ADCYAP1R1: variants seen among roughly 807,000 people sequenced by gnomAD.
ADCYAP1R1 encodes pituitary adenylate cyclase-activating polypeptide type I receptor.
A neutral mutation model predicts 67.6 loss-of-function variants in ADCYAP1R1; 44 were observed. That is an observed-to-expected ratio of 0.65 (90% confidence interval 0.51 to 0.84). ADCYAP1R1 has a LOEUF of 0.84. Ranked by LOEUF, ADCYAP1R1 falls within the 40% of genes least tolerant of loss-of-function variation. ADCYAP1R1 has a pLI of 0.00. For missense variants in ADCYAP1R1, 477 were observed against 587.9 expected (o/e 0.81, Z 1.95); for synonymous variants, 222 against 219.6 (o/e 1.01, Z -0.10).
In ADCYAP1R1 at chr7:31,078,107, A is replaced by G. The variant is rs1475679835; in HGVS notation, c.265+9A>G. The G allele has an allele frequency of 1.2e-6, 2 of 1,603,540 alleles. No homozygotes were observed. On this transcript the variant is annotated intron_variant, in intron 4 of 15. Coordinates refer to ENST00000304166, the MANE Select transcript of ADCYAP1R1 (RefSeq NM_001118.5). Reference sequence around the variant, plus strand: ...CTTCAACCCAGACCAAGGTGGGTTTAGCCCAGTCTCTTTAGGCCACGCTGG... The same window carrying G: ...CTTCAACCCAGACCAAGGTGGGTTTGGCCCAGTCTCTTTAGGCCACGCTGG...
At chr7:31,073,787 A>G (rs908468709) in intron 3 of ADCYAP1R1, among the ~76,000 whole-genome samples, 1 of 152,168 alleles carries the variant, frequency 6.6e-6, no homozygotes, top group East Asian at 1.9e-4. Flanking sequence ...AATGCAGGCT[A>G]GAGGGCTGGA....
intron 1 of ADCYAP1R1, among the ~76,000 whole-genome samples, chr7:31,061,090 C>G (rs3779247): frequency 0.29 from 43,638 of 152,144 alleles, 6,642 homozygotes; most frequent in Middle Eastern, 0.34. Context: ...CAGTCCTAAC[C>G]GGGGTAGTGC....
chr7:31,055,246 G>A (rs1034927184), intron 1 of ADCYAP1R1, among the ~76,000 whole-genome samples: 2 of 152,100 alleles, frequency 1.3e-5, no homozygotes, highest in Admixed American at 6.6e-5. Context: ...GGGCACACCC[G>A]GGGACTCAGA....
At chr7:31,089,021 A>G (rs1223578491) in intron 12 of ADCYAP1R1, among the ~76,000 whole-genome samples, 1 of 152,138 alleles carries the variant, frequency 6.6e-6, no homozygotes, top group Non-Finnish European at 1.5e-5. Flanking sequence ...AGTCTTTCTT[A>G]TAGAGTCATT....
chr7:31,108,293 A>C lies in ADCYAP1R1; in HGVS notation c.*1609A>C, dbSNP rs1796723446. On this transcript the variant is annotated 3_prime_UTR_variant, in exon 16 of 16. Transcript: ENST00000304166. Reference sequence around the variant, plus strand: ...GGAGCTCTGTGTCCTTGGCCAGTCAAGTAAGTTCCTGGATCTTTGGCAAAG... The same window carrying C: ...GGAGCTCTGTGTCCTTGGCCAGTCACGTAAGTTCCTGGATCTTTGGCAAAG... 1 of 152,268 alleles carries C rather than the reference A, an allele frequency of 6.6e-6. No individual in the cohort carries two copies. 9.4% of individuals were successfully genotyped at this position (152,268 alleles called of 1,614,324 possible).
intron 9 of ADCYAP1R1, 62 bp downstream of exon 9, chr7:31,085,504 T>C: frequency 2.6e-6 from 4 of 1,549,534 alleles, no homozygotes; most frequent in South Asian, 1.2e-5. Flanking sequence ...ATCCCCTTGG[T>C]TCCCCAGGAC....
At chr7:31,070,974 A>G (rs2128620961) in intron 3 of ADCYAP1R1, among the ~76,000 whole-genome samples, 1 of 152,320 alleles carries the variant, frequency 6.6e-6, no homozygotes, top group East Asian at 1.9e-4. Flanking sequence ...TCCTCATTTC[A>G]TGGAACAGAA....
intron 3 of ADCYAP1R1, among the ~76,000 whole-genome samples, chr7:31,075,443 C>A (rs1458949747): frequency 6.6e-6 from 1 of 152,170 alleles, no homozygotes; most frequent in Non-Finnish European, 1.5e-5. Flanking sequence ...CAACTCTACT[C>A]TGCTGCCTGG....
intron 4 of ADCYAP1R1, 99 bp from the exon 5 acceptor site, chr7:31,080,514 A>G: frequency 8.1e-7 from 1 of 1,237,738 alleles, no homozygotes; most frequent in Middle Eastern, 1.9e-4. Context: ...GGGAAGGAGG[A>G]GGAAGTGATC....
intron 12 of ADCYAP1R1, among the ~76,000 whole-genome samples, chr7:31,091,677 C>T (rs1795968273): frequency 1.3e-5 from 2 of 152,124 alleles, no homozygotes; most frequent in Non-Finnish European, 2.9e-5. Flanking sequence ...GGAGTCCTTT[C>T]CCCGTTGCTT....
chr7:31,085,264 T>A, intron 8 of ADCYAP1R1, 46 bp from the exon 9 acceptor site: 1 of 1,590,372 alleles, frequency 6.3e-7, no homozygotes, highest in Non-Finnish European at 8.6e-7. Flanking sequence ...GGGTGTGAAA[T>A]GCTGTGGGGT....
chr7:31,072,206 G>A (rs1373700006), intron 3 of ADCYAP1R1, among the ~76,000 whole-genome samples: 1 of 152,202 alleles, frequency 6.6e-6, no homozygotes, highest in African/African-American at 2.4e-5. Context: ...GTGATCAGCA[G>A]AGGTAGGAGG....
chr7:31,106,542 GTTA>G lies in ADCYAP1R1; in HGVS notation c.1266_1268del (p.Tyr423del), dbSNP rs1562661583. On this transcript the variant is annotated inframe_deletion, in exon 16 of 16. Transcript: ENST00000304166. ...AAATGGCGAAGCTGGAAGGTGAACC[GTTA>G]CTTCGCTGTGGACTTCAAGCACCGA... is the stretch of plus-strand genomic sequence containing the variant. 18 of 1,613,648 alleles carry G rather than the reference GTTA, an allele frequency of 1.1e-5. No individual in the cohort carries two copies. The highest frequency in any genetic ancestry group is 1.5e-5 in the Non-Finnish European group (18 of 1,179,720).
intron 3 of ADCYAP1R1, among the ~76,000 whole-genome samples, chr7:31,072,916 G>T (rs1795047927): frequency 6.6e-6 from 1 of 152,246 alleles, no homozygotes; most frequent in African/African-American, 2.4e-5. Context: ...AGGATGCAAA[G>T]CTGCTGGTTT....
At chr7:31,085,586 GT>G in intron 9 of ADCYAP1R1, 144 bp downstream of exon 9, 1 of 967,110 alleles carries the variant, frequency 1.0e-6, no homozygotes. Flanking sequence ...CACCCCCCCG[GT>G]TTATGTGAAA....
chr7:31,091,879 T>A (rs1240262375), intron 12 of ADCYAP1R1, among the ~76,000 whole-genome samples: 2 of 152,026 alleles, frequency 1.3e-5, no homozygotes, highest in Admixed American at 6.6e-5. Flanking sequence ...TTTCTGATAA[T>A]TTTTTATAAT....
intron 12 of ADCYAP1R1, among the ~76,000 whole-genome samples, chr7:31,090,718 G>A (rs574808342): frequency 6.6e-6 from 1 of 152,184 alleles, no homozygotes; most frequent in Non-Finnish European, 1.5e-5. Context: ...ATGGCCTCCA[G>A]CTGTGTCCAT....
At chr7:31,079,743 A>G (rs1584508017) in intron 4 of ADCYAP1R1, among the ~76,000 whole-genome samples, 1 of 151,720 alleles carries the variant, frequency 6.6e-6, no homozygotes, top group South Asian at 2.1e-4. Context: ...CTGCAGCAAC[A>G]CCTCCACCTC....
intron 4 of ADCYAP1R1, 107 bp from the exon 5 acceptor site, chr7:31,080,506 G>T: frequency 8.7e-7 from 1 of 1,153,844 alleles, no homozygotes; most frequent in East Asian, 2.5e-5. Flanking sequence ...TTGGGGTTGG[G>T]AAGGAGGAGG....
Sources: allele counts gnomAD v4.1 joint callset (sites outside exome capture counted in the v4.1 genomes callset), GRCh38; gene constraint gnomAD v4.1.1; transcripts MANE v1.5; gene names NCBI Gene and HGNC (gene_info 2026-07-23, HGNC 2026-07-21).